The following TLL1 variants were observed in gnomAD, a reference collection of about 807,000 sequenced individuals.
The protein encoded by TLL1 is tolloid like 1, also known as tolloid-like protein 1.
In TLL1, 49 loss-of-function variants were observed where a neutral mutation model predicts 128.2. The ratio of observed to expected loss-of-function variants is 0.38; its 90% CI spans 0.30 to 0.48. TLL1 has a LOEUF of 0.48. Ranked by LOEUF, TLL1 falls within the 20% of genes least tolerant of loss-of-function variation. The probability of loss-of-function intolerance (pLI) is 0.96; values close to 1 mark genes in which losing one functional copy is unlikely to be tolerated. For missense variants in TLL1, 1,123 were observed against 1,242.0 expected, an observed-to-expected ratio of 0.90 and a Z score of 1.44; for synonymous variants, 454 against 418.8, an observed-to-expected ratio of 1.08 and a Z score of -1.03.
intron 1 of TLL1, among the ~76,000 whole-genome samples, chr4:165,890,683 C>T (rs888684014): frequency 2.0e-5 from 3 of 152,200 alleles, no homozygotes; most frequent in Non-Finnish European, 4.4e-5. Context: ...GCCTCTATGG[C>T]TTTGCTGGGT....
intron 19 of TLL1, among the ~76,000 whole-genome samples, chr4:166,096,210 G>GGTGGGT (rs1553970149): frequency 1.4e-5 from 2 of 145,480 alleles, no homozygotes; most frequent in African/African-American, 5.1e-5. Context: ...TTCTGTCATG[G>GGTGGGT]GTGTGTGTGT....
chr4:166,026,113 C>G (rs565368893), intron 9 of TLL1, among the ~76,000 whole-genome samples: 1 of 152,080 alleles, frequency 6.6e-6, no homozygotes, highest in African/African-American at 2.4e-5. Flanking sequence ...ATGGGTCAGG[C>G]GAGGTGGCTC....
intron 12 of TLL1, 49 bp downstream of exon 12, chr4:166,043,468 A>G: frequency 6.2e-7 from 1 of 1,611,682 alleles, no homozygotes; most frequent in African/African-American, 1.3e-5. Context: ...CATAAACGAC[A>G]ATGGCATTTA....
chr4:165,875,593 C>G (rs1730690746), intron 1 of TLL1, among the ~76,000 whole-genome samples: 1 of 152,142 alleles, frequency 6.6e-6, no homozygotes, highest in South Asian at 2.1e-4. Context: ...ATGGTTTGGA[C>G]AAGGAGATGC....
At position 166,037,702 on chromosome 4, in the gene TLL1, G is replaced by A. The variant is rs373159353; in HGVS notation, c.1159-1637G>A. ...GGGCACCTGTAATCCCAGCTACTCA[G>A]GAGGCTGAGGGATGAGAATCGCTTC... On this transcript the variant is annotated intron_variant, in intron 9 of 20. Coordinates refer to ENST00000061240, the MANE Select transcript of TLL1 (RefSeq NM_012464.5). Among the ~76,000 whole-genome samples, 13 of 152,106 alleles carry A rather than the reference G, an allele frequency of 8.5e-5. No individual in the cohort carries two copies. The East Asian group carries it at 2.5e-3, about 29-fold the overall frequency.
intron 1 of TLL1, among the ~76,000 whole-genome samples, chr4:165,924,842 C>G (rs1451412301): frequency 6.6e-6 from 1 of 152,080 alleles, no homozygotes; most frequent in Non-Finnish European, 1.5e-5. Flanking sequence ...TAAGTTAAAG[C>G]CAACGCTTAT....
chr4:165,980,834 A>T (rs932537036), intron 1 of TLL1, among the ~76,000 whole-genome samples: 10 of 152,126 alleles, frequency 6.6e-5, no homozygotes, highest in Non-Finnish European at 1.0e-4. Flanking sequence ...GCACAATATC[A>T]GACACAAAAT....
rs188961571 is a variant in TLL1, at chr4:165,914,615, G to A, written c.169+40542G>A. 1.2e-3 allele frequency among the ~76,000 whole-genome samples: 186 copies of A among 152,288 alleles called. 1 individual carries two copies. Among genetic ancestry groups the A allele is most frequent in the Non-Finnish European group, 5.9e-4 (40 of 68,024 alleles). On this transcript the variant is annotated intron_variant, in intron 1 of 20. Coordinates refer to ENST00000061240, the MANE Select transcript of TLL1 (RefSeq NM_012464.5). ...AAAGACTTTTATTATGTCTAGCATA[G>A]CAAACGGTATGGAATTCATTTCTGT...
chr4:166,098,231 A>G (rs1293882186), intron 19 of TLL1, among the ~76,000 whole-genome samples: 1 of 146,918 alleles, frequency 6.8e-6, no homozygotes, highest in Non-Finnish European at 1.5e-5. Context: ...GTTACTTGGG[A>G]GGGTGAGGCA....
chr4:165,952,885 G>A (rs550490742), intron 1 of TLL1, among the ~76,000 whole-genome samples: 17 of 152,190 alleles, frequency 1.1e-4, no homozygotes, highest in African/African-American at 3.6e-4. Context: ...AGCAAGAATG[G>A]GTTTTAAAAG....
At chr4:165,967,493 A>G (rs1035797329) in intron 1 of TLL1, among the ~76,000 whole-genome samples, 3 of 152,140 alleles carry the variant, frequency 2.0e-5, no homozygotes, top group African/African-American at 7.2e-5. Flanking sequence ...AATTTGAGGA[A>G]CTCACAATTT....
intron 1 of TLL1, among the ~76,000 whole-genome samples, chr4:165,971,472 C>T (rs556140746): frequency 6.6e-6 from 1 of 152,330 alleles, no homozygotes; most frequent in South Asian, 2.1e-4. Flanking sequence ...TCTGCCAAGA[C>T]GGTGACTCCT....
intron 1 of TLL1, among the ~76,000 whole-genome samples, chr4:165,960,306 C>G (rs1735033124): frequency 6.6e-6 from 1 of 151,894 alleles, no homozygotes; most frequent in Non-Finnish European, 1.5e-5. Flanking sequence ...AATTGTGAAA[C>G]TGAATCAATA....
chr4:165,976,354 C>A (rs17047162), intron 1 of TLL1, among the ~76,000 whole-genome samples: 9 of 152,204 alleles, frequency 5.9e-5, no homozygotes, highest in African/African-American at 1.9e-4. Flanking sequence ...GAAATACAGT[C>A]TGAAAGTTTA....
intron 1 of TLL1, among the ~76,000 whole-genome samples, chr4:165,979,775 G>A (rs2110993860): frequency 6.6e-6 from 1 of 152,198 alleles, no homozygotes; most frequent in Middle Eastern, 3.4e-3. Flanking sequence ...GGGTGGCAAG[G>A]CAAAACCCCA....
intron 8 of TLL1, among the ~76,000 whole-genome samples, chr4:166,023,439 C>T (rs1406881003): frequency 6.6e-6 from 1 of 152,118 alleles, no homozygotes; most frequent in Non-Finnish European, 1.5e-5. Flanking sequence ...CATCCACTCA[C>T]CTTGCTGTCA....
chr4:166,082,199 C>T (rs188975675), intron 18 of TLL1, among the ~76,000 whole-genome samples: 102 of 152,216 alleles, frequency 6.7e-4, no homozygotes, highest in African/African-American at 2.2e-3. Context: ...TGTGAAAAGA[C>T]GCATTGCTGC....
chr4:166,068,046 C>A (rs983082032), intron 16 of TLL1, among the ~76,000 whole-genome samples: 3 of 151,714 alleles, frequency 2.0e-5, no homozygotes, highest in Admixed American at 1.3e-4. Flanking sequence ...AAGTCCAAGA[C>A]AATTATTATT....
At chr4:165,895,615 G>A (rs902245256) in intron 1 of TLL1, among the ~76,000 whole-genome samples, 1 of 76,604 alleles carries the variant, frequency 1.3e-5, no homozygotes, top group Non-Finnish European at 2.3e-5. Flanking sequence ...CCCCCAAAAA[G>A]CTCAGTAAGA....
Sources: allele counts gnomAD v4.1 joint callset (sites outside exome capture counted in the v4.1 genomes callset), GRCh38; gene constraint gnomAD v4.1.1; transcripts MANE v1.5; gene names NCBI Gene and HGNC (gene_info 2026-07-23, HGNC 2026-07-21).